STMN2: variants seen among roughly 807,000 people sequenced by gnomAD.
STMN2 encodes the protein stathmin 2.
STMN2 carries 2 observed loss-of-function variants against 24.1 expected under a neutral mutation model. The observed-to-expected ratio is 0.08, with a 90% CI of 0.03 to 0.26. STMN2 has a LOEUF of 0.26. Ranked by LOEUF, STMN2 falls within the 10% of genes least tolerant of loss-of-function variation. STMN2 has a pLI of 1.00. For synonymous variants in STMN2, 83 were observed against 77.5 expected (o/e 1.07, Z -0.37); for missense variants, 114 against 213.6 (o/e 0.53, Z 2.91).
At chr8:79,621,693 A>T (rs1438837814) in intron 1 of STMN2, among the ~76,000 whole-genome samples, 2 of 152,242 alleles carry the variant, frequency 1.3e-5, no homozygotes, top group African/African-American at 4.8e-5. Context: ...CCAAGATGGC[A>T]ACCATCAAGC....
chr8:79,618,091 C>T (rs997351359), intron 1 of STMN2, among the ~76,000 whole-genome samples: 15 of 152,248 alleles, frequency 9.9e-5, no homozygotes, highest in Non-Finnish European at 2.1e-4. Context: ...TAGAGGTGAG[C>T]TCCCATTGCA....
At chr8:79,615,706 A>T (rs34604977) in intron 1 of STMN2, among the ~76,000 whole-genome samples, 16,482 of 152,276 alleles carry the variant, frequency 0.11, 1,184 homozygotes, top group Non-Finnish European at 0.16. Context: ...TACCAGGAAC[A>T]TTCAAGTGTT....
intron 1 of STMN2, among the ~76,000 whole-genome samples, chr8:79,636,054 A>G (rs1809943377): frequency 6.6e-6 from 1 of 151,998 alleles, no homozygotes; most frequent in South Asian, 2.1e-4. Flanking sequence ...CTGTCTGTAC[A>G]AAAAATACAA....
chr8:79,625,853 GA>G (rs1365060233), intron 1 of STMN2, among the ~76,000 whole-genome samples: 3 of 152,190 alleles, frequency 2.0e-5, no homozygotes, highest in Admixed American at 2.0e-4. Flanking sequence ...AGCTACTTGG[GA>G]GGCTGAGGCA....
intron 2 of STMN2, among the ~76,000 whole-genome samples, chr8:79,638,032 A>G (rs1810006622): frequency 6.6e-6 from 1 of 152,258 alleles, no homozygotes; most frequent in Non-Finnish European, 1.5e-5. Context: ...TGCAGGGCCA[A>G]TGCCTACTTT....
intron 2 of STMN2, among the ~76,000 whole-genome samples, chr8:79,639,289 A>G (rs1192360321): frequency 6.6e-6 from 1 of 152,244 alleles, no homozygotes; most frequent in Non-Finnish European, 1.5e-5. Flanking sequence ...GCACTTGAAG[A>G]TGTTTAGCCT....
intron 2 of STMN2, 23 bp from the exon 3 acceptor site, chr8:79,641,355 A>G: frequency 6.2e-7 from 1 of 1,608,350 alleles, no homozygotes; most frequent in Non-Finnish European, 8.5e-7. Flanking sequence ...TATGCTTAAC[A>G]TTCTCAAATG....
intron 1 of STMN2, among the ~76,000 whole-genome samples, chr8:79,620,230 T>C (rs1809480707): frequency 1.3e-5 from 2 of 148,714 alleles, no homozygotes; most frequent in South Asian, 4.2e-4. Flanking sequence ...ATTATTTACC[T>C]ATCAAAATAT....
rs576632625 is a variant in STMN2 at position 79,639,606 on chromosome 8, T to C, written c.116-1772T>C. Among the ~76,000 whole-genome samples, 359 of 152,376 alleles carry C rather than the reference T, an allele frequency of 2.4e-3. 2 individuals carry two copies. The highest frequency in any genetic ancestry group is 7.9e-3 in the African/African-American group (328 of 41,592). ...CTATTTTATGTTATAATTTGTATTA[T>C]ACAGGCTTAAAACATAAGGGTCTGA... On this transcript the variant is annotated intron_variant, in intron 2 of 4. Transcript: ENST00000220876.
intron 2 of STMN2, 31 bp downstream of exon 2, chr8:79,636,928 T>C: frequency 2.5e-6 from 4 of 1,586,578 alleles, no homozygotes; most frequent in Non-Finnish European, 3.5e-6. Context: ...ATACCCCTGC[T>C]AGCTAGATCA....
chr8:79,645,445 G>A (rs190481347), intron 3 of STMN2, among the ~76,000 whole-genome samples: 3 of 152,280 alleles, frequency 2.0e-5, no homozygotes, highest in African/African-American at 7.2e-5. Flanking sequence ...GCCAAAGGCA[G>A]CCAGTAGCAC....
intron 3 of STMN2, among the ~76,000 whole-genome samples, chr8:79,643,025 G>A (rs908699103): frequency 1.4e-5 from 2 of 147,920 alleles, no homozygotes; most frequent in African/African-American, 2.5e-5. Flanking sequence ...TATATGTGAT[G>A]TGTATATATG....
At chr8:79,663,664 A>G (rs1011389700) in intron 4 of STMN2, 1 of 1,518,740 alleles carries the variant, frequency 6.6e-7, no homozygotes. Context: ...GAAGCAATGT[A>G]AGCAACATTC....
intron 3 of STMN2, among the ~76,000 whole-genome samples, chr8:79,641,823 A>G (rs957386745): frequency 6.6e-6 from 1 of 152,146 alleles, no homozygotes; most frequent in African/African-American, 2.4e-5. Context: ...AAAGAGCTTC[A>G]GTGCTCTAGT....
intron 1 of STMN2, 142 bp from the exon 2 acceptor site, chr8:79,636,660 T>C: frequency 2.7e-6 from 2 of 730,132 alleles, no homozygotes; most frequent in South Asian, 3.8e-5. Flanking sequence ...TGCATTCCTT[T>C]ATATTTAGTG....
intron 1 of STMN2, among the ~76,000 whole-genome samples, chr8:79,618,419 G>A (rs1206517335): frequency 6.6e-6 from 1 of 152,172 alleles, no homozygotes; most frequent in Non-Finnish European, 1.5e-5. Flanking sequence ...ATCATGGTTA[G>A]CACATTTCAA....
intron 3 of STMN2, among the ~76,000 whole-genome samples, chr8:79,652,404 G>T (rs1810352833): frequency 6.6e-6 from 1 of 152,166 alleles, no homozygotes; most frequent in African/African-American, 2.4e-5. Flanking sequence ...ACTTCACTGT[G>T]AGATTTCCTA....
chr8:79,616,583 G>A (rs796815854), intron 1 of STMN2, among the ~76,000 whole-genome samples: 11 of 152,310 alleles, frequency 7.2e-5, no homozygotes, highest in African/African-American at 2.4e-4. Context: ...CAAGCTCCCA[G>A]ATGATGCTGA....
In STMN2 at chr8:79,621,477, T is replaced by C. The variant is rs550418714; in HGVS notation, c.19+10263T>C. 2.0e-5 allele frequency among the ~76,000 whole-genome samples: 3 copies of C among 152,334 alleles called. No homozygotes were observed. In the Middle Eastern group the frequency reaches 0.01, roughly 518 times the overall value. Reference sequence around the variant, plus strand: ...AAATAAAATGTTAATTGAGTCCCTCTGACAACAGCATCAGACGTTTTGCAG... The same window carrying C: ...AAATAAAATGTTAATTGAGTCCCTCCGACAACAGCATCAGACGTTTTGCAG... On this transcript the variant is annotated intron_variant, in intron 1 of 4. Transcript: ENST00000220876.
Sources: gnomAD v4.1 joint callset for allele counts (sites outside exome capture counted in the v4.1 genomes callset) on GRCh38, gnomAD v4.1.1 for gene constraint, MANE v1.5 for transcripts, NCBI Gene and HGNC (gene_info 2026-07-23, HGNC 2026-07-21) for gene names.